The following COX7A2L variants were observed in gnomAD, a reference collection of about 807,000 sequenced individuals.
COX7A2L encodes cytochrome c oxidase subunit 7A2-like, mitochondrial.
In COX7A2L, 18 loss-of-function variants were observed where a neutral mutation model predicts 14.2. The ratio of observed to expected loss-of-function variants is 1.27; its 90% CI spans 0.88 to 1.88. The LOEUF is 1.88. Ranked by LOEUF, COX7A2L falls within the 40% of genes most tolerant of loss-of-function variation. The pLI is 0.00. For missense variants in COX7A2L, 179 were observed against 138.8 expected, an observed-to-expected ratio of 1.29 and a Z score of -1.46; for synonymous variants, 65 against 57.4, an observed-to-expected ratio of 1.13 and a Z score of -0.60.
intron 2 of COX7A2L, among the ~76,000 whole-genome samples, chr2:42,340,511 G>A (rs1011196581): frequency 6.6e-6 from 1 of 152,144 alleles, no homozygotes; most frequent in African/African-American, 2.4e-5. Context: ...CTGCTCACCA[G>A]CCAGAGTCCA....
intron 1 of COX7A2L, among the ~76,000 whole-genome samples, chr2:42,367,766 G>A (rs942635125): frequency 6.6e-5 from 10 of 152,358 alleles, no homozygotes; most frequent in African/African-American, 1.2e-4. Flanking sequence ...GGGGTTTCCA[G>A]CAAAAGACTT....
At chr2:42,341,124 T>G (rs1221945557) in intron 2 of COX7A2L, among the ~76,000 whole-genome samples, 1 of 152,166 alleles carries the variant, frequency 6.6e-6, no homozygotes, top group African/African-American at 2.4e-5. Flanking sequence ...TGACAACTTA[T>G]GGGTGAGTCC....
At chr2:42,345,882 C>T (rs1321462271), downstream of COX7A2L, among the ~76,000 whole-genome samples, 1 of 152,182 alleles carries the variant, frequency 6.6e-6, no homozygotes, top group African/African-American at 2.4e-5. Context: ...CCTGTATTAA[C>T]AGCATCTCAT....
Position 42,342,690 on chromosome 2 carries a change from T to C in COX7A2L, c.193-8821A>G, listed in dbSNP as rs1299937463. On this transcript the variant is annotated intron_variant, in intron 2 of 2. Coordinates refer to the COX7A2L transcript ENST00000468711. The surrounding 1 kb of genome is among the most constrained non-coding windows in gnomAD (Gnocchi z 4.9). ...ATGTGACCATGACTAATCTATGTCATAGACGAGGTCAGAACAAGAGAAGGC... is the reference window on the plus strand; with the variant it reads ...ATGTGACCATGACTAATCTATGTCACAGACGAGGTCAGAACAAGAGAAGGC... Among the ~76,000 whole-genome samples, 1 of 152,174 alleles carries C rather than the reference T, an allele frequency of 6.6e-6. No individual in the cohort carries two copies. The highest frequency in any genetic ancestry group is 6.5e-5 in the Admixed American group (1 of 15,282).
At chr2:42,341,278 A>G (rs1158897849) in intron 2 of COX7A2L, among the ~76,000 whole-genome samples, 3 of 152,084 alleles carry the variant, frequency 2.0e-5, no homozygotes, top group Admixed American at 6.5e-5. Flanking sequence ...CCTTGGCAGG[A>G]GCAAGGCCAC....
At chr2:42,345,679 C>A (rs928235445), downstream of COX7A2L, among the ~76,000 whole-genome samples, 16 of 152,168 alleles carry the variant, frequency 1.1e-4, no homozygotes, top group African/African-American at 3.9e-4. Context: ...TCTGCAGCAG[C>A]TTAATTTTAG....
chr2:42,341,745 T>C (rs1011772196), intron 2 of COX7A2L, among the ~76,000 whole-genome samples: 1 of 152,226 alleles, frequency 6.6e-6, no homozygotes, highest in African/African-American at 2.4e-5. Context: ...TGACAACTAA[T>C]TGAAAGTAAT....
intron 2 of COX7A2L, chr2:42,352,981 AC>A: frequency 3.6e-6 from 2 of 561,770 alleles, no homozygotes; most frequent in South Asian, 5.4e-5. Flanking sequence ...CCATTTCAAA[AC>A]CCTCACACCC....
intron 2 of COX7A2L, among the ~76,000 whole-genome samples, chr2:42,335,933 G>A (rs552047098): frequency 6.6e-4 from 100 of 152,322 alleles, no homozygotes; most frequent in African/African-American, 2.1e-3. Context: ...CAGAGGAACC[G>A]CTAGGCTGGT....
chr2:42,352,415 T>G (rs1401995132), intron 2 of COX7A2L, among the ~76,000 whole-genome samples: 1 of 152,192 alleles, frequency 6.6e-6, no homozygotes, highest in Non-Finnish European at 1.5e-5. Context: ...CCCAAAGTGT[T>G]GGGGCTGCAC....
intron 1 of COX7A2L, among the ~76,000 whole-genome samples, chr2:42,354,141 A>T (rs796465700): frequency 3.6e-4 from 55 of 152,248 alleles, no homozygotes; most frequent in Non-Finnish European, 4.9e-4. Flanking sequence ...TGAGGTGATT[A>T]AAAAAATGCT....
chr2:42,345,516 A>G (rs1004802689), downstream of COX7A2L, among the ~76,000 whole-genome samples: 1 of 152,008 alleles, frequency 6.6e-6, no homozygotes, highest in Non-Finnish European at 1.5e-5. Context: ...CACTTCCTCA[A>G]TGTTACCAAT....
intron 1 of COX7A2L, among the ~76,000 whole-genome samples, chr2:42,356,519 G>C (rs747867468): frequency 6.6e-6 from 1 of 152,232 alleles, no homozygotes; most frequent in Non-Finnish European, 1.5e-5. Context: ...GAAGGCTATA[G>C]CTTCACAGTG....
At chr2:42,366,091 G>C (rs1364436012), upstream of COX7A2L, among the ~76,000 whole-genome samples, 1 of 152,132 alleles carries the variant, frequency 6.6e-6, no homozygotes, top group Non-Finnish European at 1.5e-5. Flanking sequence ...TGAGGTAGTA[G>C]AACTTTTTGT....
In COX7A2L at chr2:42,342,494, C is replaced by A. The variant is rs1457211901; in HGVS notation, c.193-8625G>T. ...TAACTCCATCTGCTTTACTTTACAG[C>A]CCTTCCAAGGCTTCTTCCTAAAACC... On this transcript the variant is annotated intron_variant, in intron 2 of 2. Coordinates refer to the COX7A2L transcript ENST00000468711. The surrounding 1 kb of genome is among the most constrained non-coding windows in gnomAD (Gnocchi z 4.9). Among the ~76,000 whole-genome samples, 1 of 152,164 alleles carries A rather than the reference C, an allele frequency of 6.6e-6. No homozygotes were observed. The highest frequency in any genetic ancestry group is 2.1e-4 in the South Asian group (1 of 4,836).
chr2:42,345,912 G>C (rs1206235176), downstream of COX7A2L, among the ~76,000 whole-genome samples: 2 of 152,192 alleles, frequency 1.3e-5, no homozygotes, highest in East Asian at 3.8e-4. Context: ...ACTGAGAAGA[G>C]ACGAGCCGGT....
chr2:42,360,744 A>C (rs1173930681), intron 1 of COX7A2L, among the ~76,000 whole-genome samples: 1 of 152,092 alleles, frequency 6.6e-6, no homozygotes, highest in African/African-American at 2.4e-5. Context: ...CGAAAGCCAG[A>C]TGTCTTCGAA....
In COX7A2L at chr2:42,351,283, G is replaced by C. The variant is rs1428281184; in HGVS notation, c.281C>G (p.Thr94Ser). 1 of 1,614,228 alleles carries C rather than the reference G, an allele frequency of 6.2e-7. No individual in the cohort carries two copies. The highest frequency in any genetic ancestry group is 1.7e-5 in the Admixed American group (1 of 60,030). ...QMLYRTTMAL[T>S]VGGTIYCLIA... ...CAGGCAGTAGATGGTCCCTCCCACA[G>C]TCAGCGCCATGGTGGTCCGGTAAAG... Residue 94 changes from threonine to serine, a missense_variant, in exon 3 of 3, where the codon ACT becomes AGT. By Grantham distance (58) the Thr-to-Ser change is moderately conservative (BLOSUM62 1). Coordinates refer to ENST00000234301, the MANE Select transcript of COX7A2L (RefSeq NM_004718.4).
chr2:42,344,253 C>G (rs759013964), intron 2 of COX7A2L, among the ~76,000 whole-genome samples: 1 of 152,194 alleles, frequency 6.6e-6, no homozygotes, highest in Non-Finnish European at 1.5e-5. Flanking sequence ...CAGTTGGACA[C>G]CCACCTTCAT....
Sources: allele counts gnomAD v4.1 joint callset (sites outside exome capture counted in the v4.1 genomes callset), GRCh38; gene constraint gnomAD v4.1.1; non-coding constraint Gnocchi (gnomAD v3.1); transcripts MANE v1.5; gene names NCBI Gene and HGNC (gene_info 2026-07-23, HGNC 2026-07-21).